SLC17A6: variants seen among roughly 807,000 people sequenced by gnomAD.
The protein encoded by SLC17A6 is vesicular glutamate transporter 2.
Under a neutral mutation model 67.1 loss-of-function variants are expected in SLC17A6, and 35 were observed. The ratio of observed to expected loss-of-function variants is 0.52; its 90% CI spans 0.40 to 0.69. The LOEUF is 0.69. Among genes scored for constraint, SLC17A6 ranks in the 30% least tolerant of loss-of-function variants. SLC17A6 has a pLI of 0.00. For missense variants in SLC17A6, 588 were observed against 723.9 expected, an observed-to-expected ratio of 0.81 and a Z score of 2.15; for synonymous variants, 285 against 252.3, an observed-to-expected ratio of 1.13 and a Z score of -1.23.
intron 7 of SLC17A6, among the ~76,000 whole-genome samples, chr11:22,368,888 T>C (rs1856142357): frequency 1.3e-5 from 2 of 152,018 alleles, no homozygotes; most frequent in African/African-American, 4.8e-5. Flanking sequence ...GATTTTTGTT[T>C]TTGTTTGTTT....
chr11:22,371,206 G>A (rs1405518176), intron 8 of SLC17A6, among the ~76,000 whole-genome samples: 2 of 151,996 alleles, frequency 1.3e-5, no homozygotes, highest in Non-Finnish European at 1.5e-5. Context: ...TCTGTGCCAA[G>A]CCCTTTGCTA....
chr11:22,338,810 C>T (rs1309180857), intron 1 of SLC17A6, among the ~76,000 whole-genome samples, 191 bp downstream of exon 1: 2 of 117,198 alleles, frequency 1.7e-5, no homozygotes, highest in East Asian at 5.5e-4. Flanking sequence ...ATGAACCTGT[C>T]TGGTGTGTGT....
At chr11:22,372,675 A>G (rs964335528) in intron 8 of SLC17A6, among the ~76,000 whole-genome samples, 2 of 152,068 alleles carry the variant, frequency 1.3e-5, no homozygotes, top group Non-Finnish European at 2.9e-5. Flanking sequence ...CAGAAAAGCT[A>G]AAAGAAGGAT....
intron 8 of SLC17A6, among the ~76,000 whole-genome samples, chr11:22,373,561 A>G (rs1285811933): frequency 6.6e-6 from 1 of 152,046 alleles, no homozygotes; most frequent in Non-Finnish European, 1.5e-5. Flanking sequence ...GCACATTAAT[A>G]TATATTGTCT....
At chr11:22,365,806 T>C in intron 7 of SLC17A6, 117 bp downstream of exon 7, 1 of 1,106,244 alleles carries the variant, frequency 9.0e-7, no homozygotes, top group East Asian at 2.6e-5. Flanking sequence ...AATCATAACT[T>C]CTTTTATTTT....
At chr11:22,351,915 G>A (rs905359659) in intron 3 of SLC17A6, among the ~76,000 whole-genome samples, 2 of 150,038 alleles carry the variant, frequency 1.3e-5, no homozygotes, top group Admixed American at 6.7e-5. Flanking sequence ...AATGTTTCTT[G>A]TTATATAATC....
rs1856268948 is a variant in SLC17A6 at position 22,379,172 on chromosome 11, C to A, written c.*1432C>A. On this transcript the variant is annotated 3_prime_UTR_variant, in exon 12 of 12. Coordinates refer to ENST00000263160, the MANE Select transcript of SLC17A6 (RefSeq NM_020346.3). ...TCTTTTAAAAAAGCTAACATCAGAC[C>A]CCTTTATAATGTCCTAAAATTATGA... 6.6e-6 allele frequency: 1 copy of A among 152,182 alleles called. No individual in the cohort carries two copies. The highest frequency in any genetic ancestry group is 1.5e-5 in the Non-Finnish European group (1 of 67,932). The allele number at this position is 152,182 out of a possible 1,614,324, so 9.4% of individuals were successfully genotyped here.
At chr11:22,362,925 TTTAC>T (rs773553408) in intron 6 of SLC17A6, 100 bp downstream of exon 6, 11 of 816,882 alleles carry the variant, frequency 1.3e-5, no homozygotes, top group African/African-American at 5.1e-5. Flanking sequence ...CATTTCTATG[TTTAC>T]TTACTTATTT....
chr11:22,356,998 A>G (rs1177874970), intron 3 of SLC17A6, among the ~76,000 whole-genome samples: 22 of 152,228 alleles, frequency 1.4e-4, no homozygotes, highest in Admixed American at 1.4e-3. Context: ...GAAGATTATC[A>G]TTTAAATTTA....
At chr11:22,345,146 G>A (rs2133859973) in intron 3 of SLC17A6, among the ~76,000 whole-genome samples, 1 of 151,712 alleles carries the variant, frequency 6.6e-6, no homozygotes, top group Admixed American at 6.5e-5. Flanking sequence ...AAAACACCAG[G>A]GATGCTCCAG....
In SLC17A6 at chr11:22,359,533, T is replaced by G; in HGVS notation, c.573+6T>G. On this transcript the variant is annotated splice_donor_region_variant and intron_variant, in intron 4 of 11. Coordinates refer to ENST00000263160, the MANE Select transcript of SLC17A6 (RefSeq NM_020346.3). ...TACTGCAGGGACTTGTTGAGGTATGTAACTTCAGGGTGAAGCCTTTTTAAG... is the reference window on the plus strand; with the variant it reads ...TACTGCAGGGACTTGTTGAGGTATGGAACTTCAGGGTGAAGCCTTTTTAAG... 1 of 1,554,662 alleles carries G rather than the reference T, an allele frequency of 6.4e-7. No individual in the cohort carries two copies.
intron 3 of SLC17A6, among the ~76,000 whole-genome samples, chr11:22,356,068 T>C (rs1590385043): frequency 1.3e-5 from 2 of 152,196 alleles, no homozygotes; most frequent in Non-Finnish European, 2.9e-5. Context: ...TGGATTTAAA[T>C]CTGAGCTTTA....
intron 9 of SLC17A6, among the ~76,000 whole-genome samples, chr11:22,375,535 C>T (rs1235366644): frequency 6.6e-6 from 1 of 151,758 alleles, no homozygotes; most frequent in Non-Finnish European, 1.5e-5. Context: ...GGCTGGAGTG[C>T]GATGGCATGA....
chr11:22,341,756 C>T lies in SLC17A6; in HGVS notation c.315C>T (p.His105=), dbSNP rs1353331515. 6.2e-7 allele frequency: 1 copy of T among 1,614,160 alleles called. No homozygotes were observed. The highest frequency in any genetic ancestry group is 8.5e-7 in the Non-Finnish European group (1 of 1,180,030). ...ACATGGTCAACAACAGCACCATCCA[C>T]CGCGGGGGCAAGGTCATCAAGGAGG... is the stretch of plus-strand genomic sequence containing the variant. ...IVDMVNNSTI[H]RGGKVIKEKA... is the part of the protein sequence containing the mutation. The change falls in exon 2 of 12, where the codon CAC becomes CAT. Residue 105 remains histidine (H), a synonymous_variant. Coordinates refer to ENST00000263160, the MANE Select transcript of SLC17A6 (RefSeq NM_020346.3).
At chr11:22,338,682 C>G in intron 1 of SLC17A6, 63 bp downstream of exon 1, 2 of 1,188,626 alleles carry the variant, frequency 1.7e-6, no homozygotes, top group Non-Finnish European at 2.5e-6. Flanking sequence ...AGGGCCGTTT[C>G]CGTAAACCCT....
chr11:22,356,996 T>A (rs1855998854), intron 3 of SLC17A6, among the ~76,000 whole-genome samples: 1 of 152,238 alleles, frequency 6.6e-6, no homozygotes, highest in African/African-American at 2.4e-5. Context: ...GTGAAGATTA[T>A]CATTTAAATT....
chr11:22,342,550 G>A (rs1319230091), intron 2 of SLC17A6, among the ~76,000 whole-genome samples: 4 of 152,110 alleles, frequency 2.6e-5, no homozygotes, highest in African/African-American at 9.7e-5. Context: ...TGTAAATATT[G>A]AGCCCCAGTT....
chr11:22,339,146 TATATAG>T (rs1564976473), intron 1 of SLC17A6, among the ~76,000 whole-genome samples: 21,097 of 52,260 alleles, frequency 0.4, 4,217 homozygotes, highest in African/African-American at 0.47. Context: ...ATATATGTTA[TATATAG>T]TTATATATAT....
rs182775872 is a variant in SLC17A6 at position 22,349,607 on chromosome 11, G to A, written c.458+6242G>A. Among the ~76,000 whole-genome samples, 170 of 152,292 alleles carry A rather than the reference G, an allele frequency of 1.1e-3. 2 individuals are homozygous for A. The highest frequency in any genetic ancestry group is 8.6e-3 in the Admixed American group (132 of 15,296). On this transcript the variant is annotated intron_variant, in intron 3 of 11. Coordinates refer to ENST00000263160, the MANE Select transcript of SLC17A6 (RefSeq NM_020346.3). ...CTGCAGTGCAGAGGCAGCTTCTGGA[G>A]GGGAGAGACATGATTTGAGGAAGGA...
Sources: allele counts gnomAD v4.1 joint callset (sites outside exome capture counted in the v4.1 genomes callset), GRCh38; gene constraint gnomAD v4.1.1; transcripts MANE v1.5; gene names NCBI Gene and HGNC (gene_info 2026-07-23, HGNC 2026-07-21).